The following SGCD variants were observed in gnomAD, a reference collection of about 807,000 sequenced individuals.
SGCD encodes delta-sarcoglycan.
Under a neutral mutation model 36.6 loss-of-function variants are expected in SGCD, and 18 were observed. That is an observed-to-expected ratio of 0.49 (90% CI 0.34 to 0.73). The LOEUF (loss-of-function observed/expected upper bound fraction) is 0.73. Ranked by LOEUF, SGCD falls within the 30% of genes least tolerant of loss-of-function variation. The pLI is 0.01. For synonymous variants in SGCD, 133 were observed against 130.6 expected (o/e 1.02, Z -0.12); for missense variants, 387 against 346.7 (o/e 1.12, Z -0.92).
intron 3 of SGCD, among the ~76,000 whole-genome samples, chr5:156,305,204 C>A (rs1320480061): frequency 6.6e-6 from 1 of 152,170 alleles, no homozygotes; most frequent in Non-Finnish European, 1.5e-5. Flanking sequence ...CAGAGGTCTT[C>A]AAGGCATTCC....
chr5:156,323,011 G>A (rs560663996), upstream of SGCD, among the ~76,000 whole-genome samples: 29 of 152,246 alleles, frequency 1.9e-4, no homozygotes, highest in African/African-American at 7.0e-4. Context: ...CAAAACCTCT[G>A]GGGTGGGACC....
At chr5:155,815,743 G>A in the SGCD span, among the ~76,000 whole-genome samples, 2 of 152,120 alleles carry the variant, frequency 1.3e-5, no homozygotes, top group African/African-American at 2.4e-5. Context: ...TCACTGTCAT[G>A]AGAATAGCAA....
chr5:156,347,975 T>C (rs1297107770), intron 3 of SGCD, among the ~76,000 whole-genome samples: 1 of 152,214 alleles, frequency 6.6e-6, no homozygotes, highest in Non-Finnish European at 1.5e-5. Flanking sequence ...ATTGGTACTT[T>C]ATAGCCAATA....
intron 3 of SGCD, among the ~76,000 whole-genome samples, chr5:156,292,989 T>G (rs1463954792): frequency 6.6e-6 from 1 of 152,118 alleles, no homozygotes; most frequent in Non-Finnish European, 1.5e-5. Context: ...GTTCTCTCTA[T>G]ATTCTGAATA....
intron 4 of SGCD, among the ~76,000 whole-genome samples, chr5:156,562,899 T>G (rs1238570786): frequency 6.6e-6 from 1 of 151,820 alleles, no homozygotes; most frequent in African/African-American, 2.4e-5. Flanking sequence ...TTACCTTCCA[T>G]TTTTTGGATT....
chr5:156,622,844 A>G (rs1299684528), intron 6 of SGCD, among the ~76,000 whole-genome samples: 2 of 152,072 alleles, frequency 1.3e-5, no homozygotes, highest in Non-Finnish European at 2.9e-5. Context: ...GTCTCTGAGG[A>G]AAGAACGGTG....
intron 7 of SGCD, among the ~76,000 whole-genome samples, chr5:156,755,453 A>G (rs1242544145): frequency 6.6e-6 from 1 of 152,224 alleles, no homozygotes; most frequent in Non-Finnish European, 1.5e-5. Flanking sequence ...GAGAATGGCA[A>G]AAAAAACCAT....
intron 7 of SGCD, among the ~76,000 whole-genome samples, chr5:156,709,422 C>G (rs1754886504): frequency 6.6e-6 from 1 of 152,148 alleles, no homozygotes; most frequent in African/African-American, 2.4e-5. Flanking sequence ...TAACTACATG[C>G]AAGTGAAGTA....
intron 1 of SGCD, among the ~76,000 whole-genome samples, chr5:155,979,512 G>A (rs189425945): frequency 2.6e-5 from 4 of 152,330 alleles, no homozygotes; most frequent in Admixed American, 2.6e-4. Flanking sequence ...ACATGTGGAA[G>A]GGAAGGGAAA....
In SGCD at chr5:155,990,263, T is replaced by A. The variant is rs552412491; in HGVS notation, c.-282+119839T>A. Among the ~76,000 whole-genome samples, 30 of 152,308 alleles carry A rather than the reference T, an allele frequency of 2.0e-4. No homozygotes were observed. The South Asian group carries it at 4.8e-3, about 24-fold the overall frequency. ...GTTTTGTACAAAAACATACCTGTTT[T>A]ATTTTTCCTGAAGATACAGCAACAT... On this transcript the variant is annotated intron_variant, in intron 1 of 9. Coordinates refer to the SGCD transcript ENST00000517913.
At chr5:156,348,137 G>C (rs1769042162) in intron 3 of SGCD, among the ~76,000 whole-genome samples, 1 of 152,086 alleles carries the variant, frequency 6.6e-6, no homozygotes, top group Admixed American at 6.6e-5. Flanking sequence ...TGGAGATCGT[G>C]GGGAAAGAAT....
rs188291956 is a variant in SGCD, at chr5:156,316,280, C to G, written c.-43-13254C>G. On this transcript the variant is annotated intron_variant, in intron 3 of 9. Coordinates refer to the SGCD transcript ENST00000517913. Reference sequence around the variant, plus strand: ...AAGTGCAATATCTATACACTGAAAACTATAAAACATTGGCGAATGAAATTG... The same window carrying G: ...AAGTGCAATATCTATACACTGAAAAGTATAAAACATTGGCGAATGAAATTG... Among the ~76,000 whole-genome samples, 5 of 151,898 alleles carry G rather than the reference C, an allele frequency of 3.3e-5. No individual in the cohort carries two copies. In the East Asian group the frequency reaches 7.7e-4, roughly 23 times the overall value.
At chr5:155,893,534 T>G (rs1382651901) in intron 1 of SGCD, among the ~76,000 whole-genome samples, 5 of 152,216 alleles carry the variant, frequency 3.3e-5, no homozygotes, top group African/African-American at 1.2e-4. Flanking sequence ...ATCTTTGCTT[T>G]TGTTTGTTGA....
chr5:156,547,370 A>G (rs1758618110), intron 4 of SGCD, among the ~76,000 whole-genome samples: 1 of 152,148 alleles, frequency 6.6e-6, no homozygotes, highest in Admixed American at 6.5e-5. Flanking sequence ...CCTGGTTGAG[A>G]ATAACTATTC....
chr5:155,832,575 T>C, the SGCD span, among the ~76,000 whole-genome samples: 3 of 152,148 alleles, frequency 2.0e-5, no homozygotes, highest in African/African-American at 7.2e-5. Flanking sequence ...GGGATTCTAG[T>C]CTGCTCCTTA....
intron 6 of SGCD, among the ~76,000 whole-genome samples, chr5:156,635,091 G>C (rs921349347): frequency 6.6e-6 from 1 of 152,010 alleles, no homozygotes; most frequent in Non-Finnish European, 1.5e-5. Flanking sequence ...CAGGAATGGT[G>C]ACATGTCCCG....
chr5:155,822,858 T>G, the SGCD span, among the ~76,000 whole-genome samples: 2 of 152,194 alleles, frequency 1.3e-5, no homozygotes, highest in African/African-American at 4.8e-5. Flanking sequence ...AGAATAGTGC[T>G]TGCCTCTCAT....
rs78722816 is a variant in SGCD at position 156,496,040 on chromosome 5, A to T, written c.193-12561A>T. Among the ~76,000 whole-genome samples the T allele has an allele frequency of 8.5e-3, 1,302 of 152,300 alleles. 10 individuals are homozygous for T. Among genetic ancestry groups the T allele is most frequent in the African/African-American group, 0.029 (1,212 of 41,566 alleles). Reference sequence around the variant, plus strand: ...TCTTTAGCAAAACTACAATTCACCCAAGAGGGCCTAAATGTAGCCTGTATG... The same window carrying T: ...TCTTTAGCAAAACTACAATTCACCCTAGAGGGCCTAAATGTAGCCTGTATG... On this transcript the variant is annotated intron_variant, in intron 3 of 8. Transcript: ENST00000337851.
chr5:156,515,620 A>T (rs1019600007), intron 4 of SGCD, among the ~76,000 whole-genome samples: 2 of 152,204 alleles, frequency 1.3e-5, no homozygotes, highest in African/African-American at 4.8e-5. Flanking sequence ...GGAAACCAAG[A>T]TTTACCCACA....
Sources: gnomAD v4.1 joint callset for allele counts (sites outside exome capture counted in the v4.1 genomes callset) on GRCh38, gnomAD v4.1.1 for gene constraint, MANE v1.5 for transcripts, NCBI Gene and HGNC (gene_info 2026-07-23, HGNC 2026-07-21) for gene names.